The following NHLRC2 variants were observed in gnomAD, a reference collection of about 807,000 sequenced individuals.
NHLRC2 encodes the protein NHL repeat-containing protein 2.
NHLRC2 carries 33 observed loss-of-function variants against 68.1 expected under a neutral mutation model. That is an observed-to-expected ratio of 0.48 (90% confidence interval 0.37 to 0.65). The LOEUF (loss-of-function observed/expected upper bound fraction) is 0.65, where lower values mean the gene tolerates loss of function less well. NHLRC2 is among the 30% of genes least tolerant of loss of function. The pLI is 0.00. For synonymous variants in NHLRC2, 311 were observed against 309.6 expected, an observed-to-expected ratio of 1.00 and a Z score of -0.05; for missense variants, 761 against 853.8, an observed-to-expected ratio of 0.89 and a Z score of 1.35.
intron 4 of NHLRC2, 114 bp from the exon 5 acceptor site, chr10:113,884,137 T>G (rs1187689012): frequency 7.2e-6 from 6 of 829,822 alleles, no homozygotes; most frequent in Non-Finnish European, 1.1e-5. Flanking sequence ...TAATAAAACT[T>G]TGTACTGCAC....
At chr10:113,856,729 A>G (rs1589532770) in intron 1 of NHLRC2, among the ~76,000 whole-genome samples, 1 of 152,246 alleles carries the variant, frequency 6.6e-6, no homozygotes, top group Admixed American at 6.5e-5. Context: ...CTTTGTGTTT[A>G]ACACAGTATG....
intron 5 of NHLRC2, among the ~76,000 whole-genome samples, chr10:113,891,203 T>C: frequency 1.3e-5 from 2 of 152,216 alleles, no homozygotes; most frequent in East Asian, 3.8e-4. Flanking sequence ...TTTGTATTTC[T>C]TACAGATTCA....
chr10:113,894,348 C>T (rs984751808), intron 5 of NHLRC2, among the ~76,000 whole-genome samples: 15 of 152,056 alleles, frequency 9.9e-5, no homozygotes, highest in Non-Finnish European at 2.2e-4. Context: ...GCTTATAAAT[C>T]TTTTTTACCC....
At chr10:113,899,383 C>T (rs1469769486) in intron 6 of NHLRC2, among the ~76,000 whole-genome samples, 1 of 152,198 alleles carries the variant, frequency 6.6e-6, no homozygotes, top group Non-Finnish European at 1.5e-5. Flanking sequence ...TATATAGATC[C>T]TTCAAAATAG....
chr10:113,888,825 CT>C (rs553815478), intron 5 of NHLRC2, among the ~76,000 whole-genome samples: 1,871 of 132,962 alleles, frequency 0.014, 20 homozygotes, highest in African/African-American at 0.043. Flanking sequence ...CTATCAGTAT[CT>C]TTTTTTTTTT....
In NHLRC2 at chr10:113,909,292, ATAT is replaced by A. The variant is rs1846302782; in HGVS notation, c.*760_*762del. The A allele has an allele frequency of 6.6e-6, 1 of 152,204 alleles. No homozygotes were observed. The allele number at this position is 152,204 out of a possible 1,614,324, so 9.4% of individuals were successfully genotyped here. A position where few individuals can be genotyped will look rare whatever the true frequency, so the allele number is the denominator to read the frequency against. On this transcript the variant is annotated 3_prime_UTR_variant, in exon 11 of 11. Coordinates refer to ENST00000369301, the MANE Select transcript of NHLRC2 (RefSeq NM_198514.4). ...CCAGATAATGAATGAGTCCCCAGAA[ATAT>A]TATGACTTTCAAGGAAAAAGGGACT... is the stretch of plus-strand genomic sequence containing the variant.
At chr10:113,856,347 CAG>C (rs1262770720) in intron 1 of NHLRC2, among the ~76,000 whole-genome samples, 2 of 152,180 alleles carry the variant, frequency 1.3e-5, no homozygotes, top group Non-Finnish European at 2.9e-5. Context: ...CCTCCGACAA[CAG>C]AGTATTGGTG....
At chr10:113,856,127 T>C (rs1845755466) in intron 1 of NHLRC2, among the ~76,000 whole-genome samples, 1 of 152,236 alleles carries the variant, frequency 6.6e-6, no homozygotes, top group Non-Finnish European at 1.5e-5. Context: ...TTTTGGAGCA[T>C]GAAGGAACAG....
chr10:113,865,412 C>T (rs1845857331), intron 2 of NHLRC2, among the ~76,000 whole-genome samples: 1 of 151,002 alleles, frequency 6.6e-6, no homozygotes, highest in Non-Finnish European at 1.5e-5. Context: ...CTGTATTTGG[C>T]TTAGAATATT....
intron 1 of NHLRC2, among the ~76,000 whole-genome samples, chr10:113,855,431 A>C (rs1009913719): frequency 6.6e-6 from 1 of 151,658 alleles, no homozygotes; most frequent in African/African-American, 2.4e-5. Flanking sequence ...TCATCTTGAC[A>C]TTTATTGATC....
Position 113,854,864 on chromosome 10 carries a change from GGC to G in NHLRC2, c.-7_-6del. The G allele has an allele frequency of 6.5e-7, 1 of 1,538,962 alleles. No homozygotes were observed. ...GGCCCGGCGGCCGCATCGGGAGCCCGGCGGAAACATGGCGGCGCCCGGAGGCC... is the reference window on the plus strand; with the variant it reads ...GGCCCGGCGGCCGCATCGGGAGCCCGGGAAACATGGCGGCGCCCGGAGGCC... On this transcript the variant is annotated 5_prime_UTR_variant, in exon 1 of 11. Transcript: ENST00000369301.
Position 113,896,116 on chromosome 10 carries a change from C to T in NHLRC2, c.1040-1994C>T, listed in dbSNP as rs539867073. 2.0e-5 allele frequency among the ~76,000 whole-genome samples: 3 copies of T among 152,012 alleles called. No homozygotes were observed. In the East Asian group the frequency reaches 5.8e-4, roughly 29 times the overall value. ...TGTGGAAGTCAGTGTGGCGATTCCT[C>T]AGGGATCTAGAACTAGAAATACCAT... On this transcript the variant is annotated intron_variant, in intron 5 of 10. Transcript: ENST00000369301.
rs963563478 is a variant in NHLRC2 at position 113,891,187 on chromosome 10, A to G, written c.1039+6807A>G. On this transcript the variant is annotated intron_variant, in intron 5 of 10. Transcript: ENST00000369301. ...ATCTCTAATATTATGCCTTTTTAAT[A>G]TAGCATTTGTATTTCTTACAGATTC... is the stretch of plus-strand genomic sequence containing the variant. Among the ~76,000 whole-genome samples, 6 of 152,208 alleles carry G rather than the reference A, an allele frequency of 3.9e-5. No individual in the cohort carries two copies. In the South Asian group the frequency reaches 6.2e-4, roughly 16 times the overall value.
rs1222543534 is a variant in NHLRC2, at chr10:113,901,759, A to G, written c.1233A>G (p.Gln411=). 6.2e-7 allele frequency: 1 copy of G among 1,614,130 alleles called. No individual in the cohort carries two copies. The highest frequency in any genetic ancestry group is 2.2e-5 in the East Asian group (1 of 44,878). ...NAYPHKAGFA[Q]PSGLSLASED... ...ATCCTCACAAGGCAGGTTTTGCCCA[A>G]CCTTCAGGCCTTTCCTTGGCCTCTG... Residue 411 remains glutamine, a synonymous_variant, in exon 7 of 11, where the codon CAA becomes CAG. Transcript: ENST00000369301.
chr10:113,881,363 T>G (rs1846034653), intron 4 of NHLRC2, among the ~76,000 whole-genome samples: 1 of 151,872 alleles, frequency 6.6e-6, no homozygotes, highest in Non-Finnish European at 1.5e-5. Context: ...TGTTTTATAT[T>G]CTGTGACTTA....
At chr10:113,901,024 C>G (rs1376246163) in intron 6 of NHLRC2, among the ~76,000 whole-genome samples, 1 of 152,014 alleles carries the variant, frequency 6.6e-6, no homozygotes, top group Non-Finnish European at 1.5e-5. Context: ...TGCAATAGTT[C>G]CTTAAATAGA....
chr10:113,904,843 T>C lies in NHLRC2; in HGVS notation c.1731T>C (p.Ala577=). The change falls in exon 10 of 11, where the codon GCT becomes GCC. Residue 577 remains alanine, a synonymous_variant. Coordinates refer to ENST00000369301, the MANE Select transcript of NHLRC2 (RefSeq NM_198514.4). The stretch of plus-strand genomic sequence containing the variant: ...TCCCCATCTTCAGATCTGAAAATGC[T>C]GTGGTAGATGGCCCGTTCCTAGTAG... The part of the protein sequence containing the change: ...SVLPIFRSEN[A]VVDGPFLVEK... The C allele has an allele frequency of 6.2e-7, 1 of 1,613,798 alleles. No individual in the cohort carries two copies. The highest frequency in any genetic ancestry group is 8.5e-7 in the Non-Finnish European group (1 of 1,179,748).
chr10:113,860,891 A>T (rs546083142), intron 2 of NHLRC2, among the ~76,000 whole-genome samples: 136 of 152,322 alleles, frequency 8.9e-4, no homozygotes, highest in African/African-American at 3.0e-3. Context: ...AGCACAGCAG[A>T]TGGTCCCTGA....
chr10:113,884,505 C>A, intron 5 of NHLRC2, 125 bp downstream of exon 5: 2 of 644,040 alleles, frequency 3.1e-6, no homozygotes, highest in Non-Finnish European at 4.9e-6. Flanking sequence ...TATACCTATG[C>A]CTCAGAGTTT....
Sources: gnomAD v4.1 joint callset for allele counts (sites outside exome capture counted in the v4.1 genomes callset) on GRCh38, gnomAD v4.1.1 for gene constraint, MANE v1.5 for transcripts, NCBI Gene and HGNC (gene_info 2026-07-23, HGNC 2026-07-21) for gene names.